Variants in ARID1B observed in about 807,000 individuals in gnomAD.
ARID1B encodes AT-rich interactive domain-containing protein 1B.
ARID1B carries 30 observed loss-of-function variants against 212.3 expected under a neutral mutation model. That is an observed-to-expected ratio of 0.14 (90% CI 0.11 to 0.19). The LOEUF (loss-of-function observed/expected upper bound fraction) is 0.19. Ranked by LOEUF, ARID1B falls within the 10% of genes least tolerant of loss-of-function variation. The pLI is 1.00. For missense variants in ARID1B, 2,891 were observed against 3,204.0 expected (o/e 0.90, Z 2.36); for synonymous variants, 1,402 against 1,301.7 (o/e 1.08, Z -1.66).
chr6:156,781,037 T>C (rs1779225117), intron 1 of ARID1B, among the ~76,000 whole-genome samples: 1 of 152,236 alleles, frequency 6.6e-6, no homozygotes, highest in African/African-American at 2.4e-5. Context: ...TGGTGATGTG[T>C]AATTCACCTG....
intron 4 of ARID1B, among the ~76,000 whole-genome samples, chr6:157,080,858 T>G (rs1405589949): frequency 6.6e-6 from 1 of 152,172 alleles, no homozygotes; most frequent in Non-Finnish European, 1.5e-5. Flanking sequence ...GCTTCATGAT[T>G]TTGGTTTTTG....
At chr6:157,096,871 A>G (rs549232425) in intron 5 of ARID1B, among the ~76,000 whole-genome samples, 1 of 152,320 alleles carries the variant, frequency 6.6e-6, no homozygotes, top group East Asian at 1.9e-4. Flanking sequence ...AAAAGCACTT[A>G]TTTAAACACC....
intron 7 of ARID1B, among the ~76,000 whole-genome samples, chr6:157,139,645 T>G (rs746527739): frequency 6.6e-6 from 1 of 152,152 alleles, no homozygotes; most frequent in Middle Eastern, 3.4e-3. Flanking sequence ...CTGTTCACAC[T>G]GCAGTTGACT....
intron 4 of ARID1B, among the ~76,000 whole-genome samples, chr6:156,999,420 G>A (rs1280766879): frequency 1.3e-5 from 2 of 152,220 alleles, no homozygotes; most frequent in Non-Finnish European, 2.9e-5. Context: ...GGTTAGAGGA[G>A]CCAGGGTATG....
chr6:156,909,665 GGGTCAAC>G (rs1454835889), intron 3 of ARID1B, among the ~76,000 whole-genome samples: 3 of 152,182 alleles, frequency 2.0e-5, no homozygotes, highest in Non-Finnish European at 4.4e-5. Context: ...TGAAAAACCT[GGGTCAAC>G]TGTCCTGTGG....
At chr6:157,108,768 C>T (rs577926834) in intron 5 of ARID1B, among the ~76,000 whole-genome samples, 18 of 152,288 alleles carry the variant, frequency 1.2e-4, no homozygotes, top group South Asian at 6.2e-4. Flanking sequence ...GGATACTTAA[C>T]GAAGTCTATG....
At chr6:156,856,075 C>T (rs1784909373) in intron 2 of ARID1B, among the ~76,000 whole-genome samples, 1 of 152,106 alleles carries the variant, frequency 6.6e-6, no homozygotes, top group Admixed American at 6.5e-5. Flanking sequence ...ACCCCTGCTT[C>T]TTTGTAGGGT....
chr6:156,849,169 A>G (rs1234178329), intron 2 of ARID1B, among the ~76,000 whole-genome samples: 1 of 152,104 alleles, frequency 6.6e-6, no homozygotes, highest in Non-Finnish European at 1.5e-5. Flanking sequence ...TATGTATGCT[A>G]TTTTTTATTC....
At position 157,110,824 on chromosome 6, in the gene ARID1B, C is replaced by T. The variant is rs540769860; in HGVS notation, c.2581+263C>T. ...CCACATAGCACCATGAAGCATGGTT[C>T]ACATATGACTGTAGTCTGGTATTTG... On this transcript the variant is annotated intron_variant, in intron 6 of 19. Transcript: ENST00000636930. 6 of 525,614 alleles carry T rather than the reference C, an allele frequency of 1.1e-5. No individual in the cohort carries two copies. In the South Asian group the frequency reaches 1.4e-4, roughly 13 times the overall value. The allele number at this position is 525,614 out of a possible 1,614,324, so 32.6% of individuals were successfully genotyped here.
At chr6:156,922,499 T>TTG (rs1237064702) in intron 3 of ARID1B, among the ~76,000 whole-genome samples, 4 of 152,204 alleles carry the variant, frequency 2.6e-5, no homozygotes, top group Non-Finnish European at 5.9e-5. Flanking sequence ...TAGAGTTACT[T>TTG]AAGCAGTCTG....
In ARID1B at chr6:157,203,098, C is replaced by T. The variant is rs559117089; in HGVS notation, c.5264-768C>T. Among the ~76,000 whole-genome samples the T allele has an allele frequency of 6.6e-6, 1 of 152,244 alleles. No homozygotes were observed. The highest frequency in any genetic ancestry group is 1.9e-4 in the East Asian group (1 of 5,182). ...TAAAAGTGGAAAAGCCACGGTGTCTCCCCCTCATGCAATGATTCTTGGTGC... is the reference window on the plus strand; with the variant it reads ...TAAAAGTGGAAAAGCCACGGTGTCTTCCCCTCATGCAATGATTCTTGGTGC... On this transcript the variant is annotated intron_variant, in intron 18 of 19. Coordinates refer to ENST00000636930, the MANE Select transcript of ARID1B (RefSeq NM_001374828.1). The surrounding 1 kb of genome is among the most constrained non-coding windows in gnomAD (Gnocchi z 4.4).
At chr6:157,067,158 A>G (rs1007895769) in intron 4 of ARID1B, among the ~76,000 whole-genome samples, 10 of 152,240 alleles carry the variant, frequency 6.6e-5, no homozygotes, top group African/African-American at 2.4e-4. Context: ...AGATTTTAGC[A>G]GTATTTGTAC....
intron 1 of ARID1B, among the ~76,000 whole-genome samples, chr6:156,784,772 C>G (rs1381284646): frequency 2.6e-5 from 4 of 151,934 alleles, no homozygotes; most frequent in Non-Finnish European, 4.4e-5. Flanking sequence ...ATTTGTTTTT[C>G]TTTTTGAGAC....
intron 1 of ARID1B, 58 bp downstream of exon 1, chr6:156,779,529 C>T: frequency 1.2e-5 from 15 of 1,245,300 alleles, no homozygotes; most frequent in South Asian, 2.5e-5. Context: ...CGCCGCGAGC[C>T]TGAGTTTCTT....
chr6:157,086,940 C>T (rs1785003603), intron 5 of ARID1B, among the ~76,000 whole-genome samples: 1 of 152,220 alleles, frequency 6.6e-6, no homozygotes, highest in Non-Finnish European at 1.5e-5. Flanking sequence ...ATCTCACTAT[C>T]ATTTCTCCCT....
At chr6:157,175,294 C>T (rs1792027582) in intron 11 of ARID1B, 1 of 179,478 alleles carries the variant, frequency 5.6e-6, no homozygotes, top group African/African-American at 2.3e-5. Flanking sequence ...CTCCTTCACA[C>T]AGTGACTTTT....
chr6:156,970,029 T>A (rs1054283554), intron 4 of ARID1B, among the ~76,000 whole-genome samples: 5 of 150,214 alleles, frequency 3.3e-5, no homozygotes, highest in African/African-American at 1.2e-4. Flanking sequence ...ATTTAATTAT[T>A]AAGAATAAAA....
intron 4 of ARID1B, among the ~76,000 whole-genome samples, chr6:157,048,647 G>A (rs1447362186): frequency 6.6e-6 from 1 of 152,186 alleles, no homozygotes; most frequent in Non-Finnish European, 1.5e-5. Flanking sequence ...AATTGTGGTT[G>A]AAAATATTAC....
chr6:157,200,040 C>T lies in ARID1B; in HGVS notation c.4480-665C>T, dbSNP rs1294276778. ...AGTGGAAAACATCAGCATCTCACTGCCTCCCATCAGAGTCCCACCTACCCC... is the reference window on the plus strand; with the variant it reads ...AGTGGAAAACATCAGCATCTCACTGTCTCCCATCAGAGTCCCACCTACCCC... On this transcript the variant is annotated intron_variant, in intron 17 of 19. Transcript: ENST00000636930. This position sits in a 1 kb window ranked among gnomAD's most constrained non-coding sequence, Gnocchi z 4.3. Among the ~76,000 whole-genome samples, 3 of 152,170 alleles carry T rather than the reference C, an allele frequency of 2.0e-5. No homozygotes were observed. Among genetic ancestry groups the T allele is most frequent in the Non-Finnish European group, 2.9e-5 (2 of 68,014 alleles).
Sources: allele counts gnomAD v4.1 joint callset (sites outside exome capture counted in the v4.1 genomes callset), GRCh38; gene constraint gnomAD v4.1.1; non-coding constraint Gnocchi (gnomAD v3.1); transcripts MANE v1.5; gene names NCBI Gene and HGNC (gene_info 2026-07-23, HGNC 2026-07-21).